PCDHA2: variants seen among roughly 807,000 people sequenced by gnomAD.
PCDHA2 encodes the protein protocadherin alpha 2, also known as protocadherin alpha-2.
Under a neutral mutation model 66.0 loss-of-function variants are expected in PCDHA2, and 58 were observed. That is an observed-to-expected ratio of 0.88 (90% CI 0.71 to 1.09). The LOEUF is 1.09. Ranked by LOEUF, PCDHA2 falls within the 50% of genes least tolerant of loss-of-function variation. PCDHA2 has a pLI of 0.00. For synonymous variants in PCDHA2, 634 were observed against 554.0 expected, an observed-to-expected ratio of 1.14 and a Z score of -2.03; for missense variants, 1,267 against 1,242.3, an observed-to-expected ratio of 1.02 and a Z score of -0.30.
chr5:140,886,827 G>GAAAA (rs782016620), intron 1 of PCDHA2, among the ~76,000 whole-genome samples: 11 of 60,864 alleles, frequency 1.8e-4, no homozygotes, highest in Admixed American at 1.8e-4. Context: ...ACTTCGTCTT[G>GAAAA]AAAAAAAAAA....
At chr5:140,853,227 T>C in intron 1 of PCDHA2, 1 of 983,234 alleles carries the variant, frequency 1.0e-6, no homozygotes, top group Non-Finnish European at 1.2e-6. Context: ...GATTGGTAAT[T>C]TAGTCCTTCA....
chr5:140,880,147 A>G (rs986031880), intron 1 of PCDHA2, among the ~76,000 whole-genome samples: 1 of 152,254 alleles, frequency 6.6e-6, no homozygotes, highest in African/African-American at 2.4e-5. Context: ...AAAGTGCAAT[A>G]TATCAAGTAT....
chr5:140,797,639 A>G (rs1279576570), intron 1 of PCDHA2, among the ~76,000 whole-genome samples: 1 of 152,242 alleles, frequency 6.6e-6, no homozygotes, highest in Non-Finnish European at 1.5e-5. Context: ...TGTAAATTAA[A>G]CATTTCCCAT....
chr5:140,884,839 G>T, intron 1 of PCDHA2: 1 of 893,290 alleles, frequency 1.1e-6, no homozygotes, highest in Non-Finnish European at 1.6e-6. Context: ...TTATCCTTCA[G>T]AGTGAAATCT....
At chr5:140,925,526 CGAG>C (rs2082539432) in intron 1 of PCDHA2, among the ~76,000 whole-genome samples, 1 of 151,910 alleles carries the variant, frequency 6.6e-6, no homozygotes, top group South Asian at 2.1e-4. Flanking sequence ...AAATTAAAAG[CGAG>C]GAGAAATACC....
At position 140,869,261 on chromosome 5, in the gene PCDHA2, G is replaced by A. The variant is rs782291113; in HGVS notation, c.2388+71909G>A. 3 of 1,613,572 alleles carry A rather than the reference G, an allele frequency of 1.9e-6. No individual in the cohort carries two copies. In the Admixed American group the frequency reaches 5.0e-5, roughly 27 times the overall value. On this transcript the variant is annotated intron_variant, in intron 1 of 3. Transcript: ENST00000526136. ...GTGGGCCGCATCGCGCAGGACCTGG[G>A]GCTGGAGCTGGCGGAGCTGGTGCAG...
intron 1 of PCDHA2, chr5:140,876,310 G>A: frequency 6.2e-7 from 1 of 1,613,982 alleles, no homozygotes. Flanking sequence ...AATTTCCTAT[G>A]GGATCAAAAT....
chr5:140,809,525 A>G, intron 1 of PCDHA2: 1 of 1,614,066 alleles, frequency 6.2e-7, no homozygotes. Context: ...ACCTGACTCT[A>G]GGGACAGAGA....
chr5:140,846,031 G>A lies in PCDHA2; in HGVS notation c.2388+48679G>A, dbSNP rs2150383784. On this transcript the variant is annotated intron_variant, in intron 1 of 3. Coordinates refer to ENST00000526136, the MANE Select transcript of PCDHA2 (RefSeq NM_018905.3). ...AATCTAAAAGTTATTACGAGTTTAG[G>A]AAAGTCAAGTTAACACCACCTATGT... 1.1e-4 allele frequency among the ~76,000 whole-genome samples: 16 copies of A among 149,690 alleles called. 2 individuals carry two copies. The highest frequency in any genetic ancestry group is 2.4e-4 in the Non-Finnish European group (16 of 66,844).
intron 1 of PCDHA2, among the ~76,000 whole-genome samples, chr5:140,936,386 A>C (rs1321919652): frequency 6.6e-6 from 1 of 152,190 alleles, no homozygotes; most frequent in African/African-American, 2.4e-5. Context: ...GTGGCTAGTG[A>C]AACTGGGCTA....
intron 1 of PCDHA2, chr5:140,801,660 G>C: frequency 6.2e-7 from 1 of 1,614,216 alleles, no homozygotes; most frequent in Non-Finnish European, 8.5e-7. Context: ...GTTTTCGCTA[G>C]AGGGCGCATC....
At position 140,850,923 on chromosome 5, in the gene PCDHA2, AT is replaced by A. The variant is rs2150502772; in HGVS notation, c.2388+53579del. 1.2e-4 allele frequency: 181 copies of A among 1,521,692 alleles called. 10 individuals carry two copies. The South Asian group carries it at 1.6e-3, about 13-fold the overall frequency. 94.3% of individuals were successfully genotyped at this position (1,521,692 alleles called of 1,614,324 possible). ...TTCTAGCATTTTATTTATTTATATAATTTTTTTTCTTGAAAGATATTATCGA... is the reference window on the plus strand; with the variant it reads ...TTCTAGCATTTTATTTATTTATATAATTTTTTTCTTGAAAGATATTATCGA... On this transcript the variant is annotated intron_variant, in intron 1 of 3. Coordinates refer to ENST00000526136, the MANE Select transcript of PCDHA2 (RefSeq NM_018905.3).
intron 1 of PCDHA2, among the ~76,000 whole-genome samples, chr5:140,943,453 G>A (rs545980639): frequency 2.6e-5 from 4 of 152,040 alleles, no homozygotes; most frequent in Non-Finnish European, 5.9e-5. Context: ...GAATTGATAA[G>A]GCTAAATGTG....
chr5:140,974,440 C>T (rs782138345), intron 1 of PCDHA2, among the ~76,000 whole-genome samples: 7 of 152,182 alleles, frequency 4.6e-5, no homozygotes, highest in Admixed American at 1.3e-4. Context: ...TGTAAATTAG[C>T]ATTTTAAATG....
intron 1 of PCDHA2, among the ~76,000 whole-genome samples, chr5:140,978,222 G>C (rs997273847): frequency 6.6e-6 from 1 of 152,180 alleles, no homozygotes; most frequent in South Asian, 2.1e-4. Flanking sequence ...AATGTATCAG[G>C]TTTTTCTTGG....
At chr5:140,898,930 G>A (rs2067050521) in intron 1 of PCDHA2, among the ~76,000 whole-genome samples, 1 of 152,054 alleles carries the variant, frequency 6.6e-6, no homozygotes, top group African/African-American at 2.4e-5. Context: ...GGATTCCTAA[G>A]TATTTTATTC....
chr5:140,971,488 A>G (rs17119328), intron 1 of PCDHA2, among the ~76,000 whole-genome samples: 1 of 152,104 alleles, frequency 6.6e-6, no homozygotes, highest in African/African-American at 2.4e-5. Flanking sequence ...ACATTGTTAC[A>G]GTGTGGCAAG....
chr5:140,832,037 T>C (rs1771814112), intron 1 of PCDHA2, among the ~76,000 whole-genome samples: 1 of 152,240 alleles, frequency 6.6e-6, no homozygotes, highest in Non-Finnish European at 1.5e-5. Flanking sequence ...TTGTTATTCA[T>C]AGTGAGGCCA....
At chr5:140,878,358 A>G (rs2057559820) in intron 1 of PCDHA2, among the ~76,000 whole-genome samples, 1 of 152,254 alleles carries the variant, frequency 6.6e-6, no homozygotes, top group Non-Finnish European at 1.5e-5. Context: ...TATAAATGAT[A>G]TGTCTGACAT....
Sources: gnomAD v4.1 joint callset for allele counts (sites outside exome capture counted in the v4.1 genomes callset) on GRCh38, gnomAD v4.1.1 for gene constraint, MANE v1.5 for transcripts, NCBI Gene and HGNC (gene_info 2026-07-23, HGNC 2026-07-21) for gene names.